Variants in ANKRD28 observed in about 807,000 individuals in gnomAD.
ANKRD28 encodes serine/threonine-protein phosphatase 6 regulatory ankyrin repeat subunit A.
A neutral mutation model predicts 126.5 loss-of-function variants in ANKRD28; 44 were observed. The observed-to-expected ratio is 0.35, with a 90% CI of 0.27 to 0.45. The LOEUF is 0.45. ANKRD28 is among the 20% of genes least tolerant of loss of function. ANKRD28 has a pLI of 1.00. For missense variants in ANKRD28, 1,110 were observed against 1,316.6 expected (o/e 0.84, Z 2.43); for synonymous variants, 442 against 468.5 (o/e 0.94, Z 0.73).
upstream of ANKRD28, among the ~76,000 whole-genome samples, chr3:15,802,440 CT>C (rs1402522571): frequency 6.6e-6 from 1 of 152,154 alleles, no homozygotes; most frequent in African/African-American, 2.4e-5. Context: ...ATCTCTGGTA[CT>C]TGGAGCTGAG....
At position 15,841,538 on chromosome 3, in the gene ANKRD28, G is replaced by A. The variant is rs188004961; in HGVS notation, c.27+17839C>T. The stretch of plus-strand genomic sequence containing the variant: ...TATCTGCAAACTAATTCTCTGACAA[G>A]GGATTCATAACCAGAGAATATAAGG... On this transcript the variant is annotated intron_variant, in intron 1 of 27. Transcript: ENST00000399451. Among the ~76,000 whole-genome samples, 23 of 152,210 alleles carry A rather than the reference G, an allele frequency of 1.5e-4. No homozygotes were observed. The East Asian group carries it at 4.4e-3, about 29-fold the overall frequency.
At chr3:15,832,233 G>C (rs1262362755) in intron 1 of ANKRD28, among the ~76,000 whole-genome samples, 1 of 152,154 alleles carries the variant, frequency 6.6e-6, no homozygotes, top group Non-Finnish European at 1.5e-5. Flanking sequence ...TGCATTCTCA[G>C]CAATATCTGC....
chr3:15,782,068 T>C (rs766048208), intron 2 of ANKRD28, among the ~76,000 whole-genome samples: 2 of 152,162 alleles, frequency 1.3e-5, no homozygotes, highest in Non-Finnish European at 2.9e-5. Context: ...ACTGTATTTC[T>C]AAGTTATGCA....
chr3:15,677,332 C>G, intron 25 of ANKRD28, 148 bp downstream of exon 25: 1 of 631,118 alleles, frequency 1.6e-6, no homozygotes, highest in Non-Finnish European at 2.7e-6. Flanking sequence ...GCCATGGTGC[C>G]TTATAAGTCA....
At chr3:15,750,447 C>T (rs9310483) in intron 4 of ANKRD28, among the ~76,000 whole-genome samples, 6,219 of 152,130 alleles carry the variant, frequency 0.041, 413 homozygotes, top group African/African-American at 0.14. Flanking sequence ...AAAAGTTGCA[C>T]GTAATAATTG....
At chr3:15,792,180 A>G (rs2060061189) in intron 2 of ANKRD28, among the ~76,000 whole-genome samples, 1 of 152,188 alleles carries the variant, frequency 6.6e-6, no homozygotes, top group Admixed American at 6.5e-5. Context: ...AAAAAACTAA[A>G]AATAGAGCTA....
chr3:15,859,455 T>TGCC (rs1338651569), exon 1 of ANKRD28: 3 of 1,450,084 alleles, frequency 2.1e-6, no homozygotes, highest in Non-Finnish European at 2.7e-6. Flanking sequence ...CCGCTGCCGC[T>TGCC]GCCGCCGCCG....
At chr3:15,688,336 G>C (rs1247638660) in intron 18 of ANKRD28, among the ~76,000 whole-genome samples, 2 of 152,116 alleles carry the variant, frequency 1.3e-5, no homozygotes, top group African/African-American at 4.8e-5. Context: ...ATGTTGCCTA[G>C]AGTGCAATGA....
intron 14 of ANKRD28, among the ~76,000 whole-genome samples, chr3:15,698,874 G>C (rs2070097107): frequency 6.6e-6 from 1 of 152,086 alleles, no homozygotes; most frequent in African/African-American, 2.4e-5. Context: ...TTTCTTCACA[G>C]AATTGGAAAA....
chr3:15,798,226 T>C, upstream of ANKRD28: 1 of 940,848 alleles, frequency 1.1e-6, no homozygotes, highest in Non-Finnish European at 1.3e-6. Flanking sequence ...TTAACTGCTT[T>C]CGTGTGTTAC....
rs148921267 is a variant in ANKRD28 at position 15,714,299 on chromosome 3, G to A, written c.1075+279C>T. On this transcript the variant is annotated intron_variant, in intron 9 of 27. Transcript: ENST00000683139. ...TATATAATACAAATTATGGTAGAAA[G>A]TAATTTTCTATTTAGCAATATTGAA... 5.0e-3 allele frequency among the ~76,000 whole-genome samples: 756 copies of A among 151,998 alleles called. 7 individuals are homozygous for A. The highest frequency in any genetic ancestry group is 0.017 in the African/African-American group (709 of 41,512).
intron 2 of ANKRD28, among the ~76,000 whole-genome samples, chr3:15,783,088 G>A (rs550829029): frequency 1.2e-3 from 176 of 151,604 alleles, no homozygotes; most frequent in Admixed American, 2.1e-3. Context: ...GATAAATGTG[G>A]ATGTCATCAA....
chr3:15,713,199 A>G (rs987268380), intron 10 of ANKRD28, among the ~76,000 whole-genome samples: 1 of 152,166 alleles, frequency 6.6e-6, no homozygotes, highest in Non-Finnish European at 1.5e-5. Context: ...AAAAAAAAGC[A>G]TCTGGCACAT....
At chr3:15,811,143 C>T (rs1363084308) in intron 1 of ANKRD28, among the ~76,000 whole-genome samples, 2 of 152,148 alleles carry the variant, frequency 1.3e-5, no homozygotes, top group African/African-American at 2.4e-5. Context: ...ACTGGAGAAA[C>T]AAGGCCTCAG....
chr3:15,749,744 A>C (rs2057745579), intron 4 of ANKRD28, among the ~76,000 whole-genome samples: 1 of 152,156 alleles, frequency 6.6e-6, no homozygotes, highest in Non-Finnish European at 1.5e-5. Context: ...CTGAGAGCCA[A>C]ACTGTAGTGA....
At chr3:15,850,373 T>C (rs2061627262) in intron 1 of ANKRD28, among the ~76,000 whole-genome samples, 1 of 151,480 alleles carries the variant, frequency 6.6e-6, no homozygotes, top group Non-Finnish European at 1.5e-5. Flanking sequence ...GGCTAACAAA[T>C]GACCATAACA....
Position 15,677,072 on chromosome 3 carries a change from A to AT in ANKRD28, c.2791-17dup. 6.2e-7 allele frequency: 1 copy of AT among 1,605,704 alleles called. No homozygotes were observed. Among genetic ancestry groups the AT allele is most frequent in the South Asian group, 1.1e-5 (1 of 90,836 alleles). On this transcript the variant is annotated splice_polypyrimidine_tract_variant and intron_variant, in intron 25 of 27. Coordinates refer to ENST00000683139, the MANE Select transcript of ANKRD28 (RefSeq NM_001349278.2). Reference sequence around the variant, plus strand: ...TTTCATGACCCTATAATTGTGGCAGATAAGTTATAAAAACTTGAGCACCAT... The same window carrying AT: ...TTTCATGACCCTATAATTGTGGCAGATTAAGTTATAAAAACTTGAGCACCAT...
chr3:15,712,065 A>G (rs2072365955), intron 11 of ANKRD28, 75 bp downstream of exon 11: 1 of 1,146,838 alleles, frequency 8.7e-7, no homozygotes, highest in African/African-American at 1.5e-5. Context: ...AATTTTTAAA[A>G]AGCAGGATAG....
chr3:15,676,921 CAT>C, intron 26 of ANKRD28, 51 bp downstream of exon 26: 1 of 1,449,914 alleles, frequency 6.9e-7, no homozygotes, highest in Non-Finnish European at 9.6e-7. Context: ...ATCCATTTAT[CAT>C]TTTTATAATT....
Sources: gnomAD v4.1 joint callset for allele counts (sites outside exome capture counted in the v4.1 genomes callset) on GRCh38, gnomAD v4.1.1 for gene constraint, MANE v1.5 for transcripts, NCBI Gene and HGNC (gene_info 2026-07-23, HGNC 2026-07-21) for gene names.